SOX5: variants seen among roughly 807,000 people sequenced by gnomAD.
The protein encoded by SOX5 is transcription factor SOX-5.
In SOX5, 9 loss-of-function variants were observed where a neutral mutation model predicts 92.0. The ratio of observed to expected loss-of-function variants is 0.10; its 90% CI spans 0.06 to 0.17. SOX5 has a LOEUF of 0.17. Among genes scored for constraint, SOX5 ranks in the 10% least tolerant of loss-of-function variants. SOX5 has a pLI of 1.00. For missense variants in SOX5, 642 were observed against 944.5 expected (o/e 0.68, Z 4.20); for synonymous variants, 344 against 336.3 (o/e 1.02, Z -0.25).
At chr12:23,587,735 A>G (rs1461543462) in intron 9 of SOX5, among the ~76,000 whole-genome samples, 2 of 152,118 alleles carry the variant, frequency 1.3e-5, no homozygotes, top group Non-Finnish European at 2.9e-5. Flanking sequence ...TAACACTATT[A>G]TTTATATAGA....
chr12:24,558,838 T>C (rs1954063953), intron 1 of SOX5, among the ~76,000 whole-genome samples: 1 of 152,146 alleles, frequency 6.6e-6, no homozygotes, highest in Non-Finnish European at 1.5e-5. Context: ...CTCCCCCAAA[T>C]GGGAAATGGA....
intron 8 of SOX5, among the ~76,000 whole-genome samples, chr12:23,630,275 T>C (rs2078358753): frequency 6.6e-6 from 1 of 151,968 alleles, no homozygotes; most frequent in African/African-American, 2.4e-5. Context: ...ATTTTACAGA[T>C]ATAAATATTG....
intron 1 of SOX5, among the ~76,000 whole-genome samples, chr12:24,483,437 A>C (rs1222185764): frequency 6.6e-6 from 1 of 152,172 alleles, no homozygotes. Flanking sequence ...ATGTAAATGC[A>C]CCATAAGTTT....
chr12:24,335,235 C>T (rs1246462603), intron 2 of SOX5, among the ~76,000 whole-genome samples: 2 of 149,148 alleles, frequency 1.3e-5, no homozygotes, highest in East Asian at 2.0e-4. Context: ...ACATGCAGCA[C>T]ATACAACTTC....
chr12:24,451,832 C>T (rs1942355190), intron 1 of SOX5, among the ~76,000 whole-genome samples: 3 of 152,186 alleles, frequency 2.0e-5, no homozygotes, highest in African/African-American at 2.4e-5. Flanking sequence ...ATAAGAATGG[C>T]ATGATGCCTG....
chr12:24,167,464 G>C (rs1953549763), intron 4 of SOX5, among the ~76,000 whole-genome samples: 1 of 152,186 alleles, frequency 6.6e-6, no homozygotes, highest in Non-Finnish European at 1.5e-5. Flanking sequence ...CTGCTGAGCT[G>C]ATAAAACCTT....
At position 23,810,568 on chromosome 12, in the gene SOX5, G is replaced by A. The variant is rs75817422; in HGVS notation, c.481+35415C>T. ...CCTGTTTAGTCTTCTAGGGCCATTC[G>A]ACAAGGTAGGCCAAAGGAAAAATGC... On this transcript the variant is annotated intron_variant, in intron 3 of 14. Transcript: ENST00000451604. Among the ~76,000 whole-genome samples the A allele has an allele frequency of 9.7e-3, 1,482 of 152,230 alleles. 20 individuals carry two copies. Among genetic ancestry groups the A allele is most frequent in the Non-Finnish European group, 0.014 (939 of 68,006 alleles).
At chr12:23,747,971 A>AC (rs957297045) in intron 4 of SOX5, among the ~76,000 whole-genome samples, 1 of 151,526 alleles carries the variant, frequency 6.6e-6, no homozygotes, top group African/African-American at 2.4e-5. Context: ...TAAAAAAAAA[A>AC]AAAAACGAAT....
rs1158806303 is a variant in SOX5, at chr12:24,502,355, A to C, written c.-251+59974T>G. 2.0e-5 allele frequency among the ~76,000 whole-genome samples: 3 copies of C among 152,238 alleles called. No homozygotes were observed. The East Asian group carries it at 5.8e-4, about 29-fold the overall frequency. ...CACTTCAAAAGGATATGGGCGTCAA[A>C]CTGAAGAGTTCCCAATGGGCAAAAC... is the stretch of plus-strand genomic sequence containing the variant. On this transcript the variant is annotated intron_variant, in intron 1 of 4. Coordinates refer to the SOX5 transcript ENST00000446891.
intron 4 of SOX5, among the ~76,000 whole-genome samples, chr12:24,181,141 T>C (rs1955457851): frequency 6.6e-6 from 1 of 152,228 alleles, no homozygotes; most frequent in Non-Finnish European, 1.5e-5. Flanking sequence ...AGGAATGGTA[T>C]ACTGGTCTCA....
intron 2 of SOX5, among the ~76,000 whole-genome samples, chr12:24,300,345 C>T (rs1442292233): frequency 6.6e-6 from 1 of 152,130 alleles, no homozygotes; most frequent in Non-Finnish European, 1.5e-5. Context: ...TTACAGGAAG[C>T]CTTAAAAATG....
chr12:24,125,539 T>A (rs1275676677), intron 4 of SOX5, among the ~76,000 whole-genome samples: 1 of 152,202 alleles, frequency 6.6e-6, no homozygotes, highest in African/African-American at 2.4e-5. Flanking sequence ...TTGCCCCTTC[T>A]GTTTTCCCAA....
chr12:23,799,496 G>T (rs1295549978), intron 3 of SOX5, among the ~76,000 whole-genome samples: 2 of 151,960 alleles, frequency 1.3e-5, no homozygotes, highest in Non-Finnish European at 2.9e-5. Context: ...CTATAAAATG[G>T]GTAAACAGTG....
intron 4 of SOX5, among the ~76,000 whole-genome samples, chr12:24,008,255 C>A (rs1175931186): frequency 1.3e-5 from 2 of 152,088 alleles, no homozygotes; most frequent in African/African-American, 2.4e-5. Context: ...TAAACAACTA[C>A]TCTAATATAA....
intron 9 of SOX5, among the ~76,000 whole-genome samples, chr12:23,576,617 G>A (rs1949146569): frequency 6.6e-6 from 1 of 152,032 alleles, no homozygotes; most frequent in South Asian, 2.1e-4. Flanking sequence ...ATGATTTCCA[G>A]CTGTTCTATG....
chr12:24,172,074 T>TGTGC (rs1196672627), intron 4 of SOX5, among the ~76,000 whole-genome samples: 5 of 138,106 alleles, frequency 3.6e-5, no homozygotes, highest in African/African-American at 1.3e-4. Flanking sequence ...GAGAACTGTG[T>TGTGC]GTGCGTGTGT....
rs1290507974 is a variant in SOX5 at position 24,201,769 on chromosome 12, T to A, written c.-2+11574A>T. Among the ~76,000 whole-genome samples, 3 of 152,188 alleles carry A rather than the reference T, an allele frequency of 2.0e-5. No homozygotes were observed. The East Asian group carries it at 5.8e-4, about 29-fold the overall frequency. On this transcript the variant is annotated intron_variant, in intron 4 of 4. Coordinates refer to the SOX5 transcript ENST00000446891. Reference sequence around the variant, plus strand: ...TGAGTCATCAGACATTGTTTTTAACTTAACCTGGGCCCTTGGAGACTGACT... The same window carrying A: ...TGAGTCATCAGACATTGTTTTTAACATAACCTGGGCCCTTGGAGACTGACT...
At chr12:23,952,042 A>C (rs1326080974), upstream of SOX5, among the ~76,000 whole-genome samples, 17 of 152,170 alleles carry the variant, frequency 1.1e-4, no homozygotes, top group Non-Finnish European at 1.5e-5. Flanking sequence ...GGTTGTTATG[A>C]GAATTAGGGT....
intron 9 of SOX5, among the ~76,000 whole-genome samples, chr12:23,592,826 C>T (rs1592364319): frequency 6.6e-6 from 1 of 152,118 alleles, no homozygotes; most frequent in Non-Finnish European, 1.5e-5. Context: ...TGCCTGTAAT[C>T]CCAGCACTTT....
Sources: gnomAD v4.1 joint callset for allele counts (sites outside exome capture counted in the v4.1 genomes callset) on GRCh38, gnomAD v4.1.1 for gene constraint, MANE v1.5 for transcripts, NCBI Gene and HGNC (gene_info 2026-07-23, HGNC 2026-07-21) for gene names.